Variants in KCNT2 observed in about 807,000 individuals in gnomAD.
The protein encoded by KCNT2 is potassium channel subfamily T member 2.
A neutral mutation model predicts 153.8 loss-of-function variants in KCNT2; 67 were observed. The observed-to-expected ratio is 0.44, with a 90% CI of 0.36 to 0.53. The LOEUF is 0.53. Ranked by LOEUF, KCNT2 falls within the 20% of genes least tolerant of loss-of-function variation. The probability of loss-of-function intolerance (pLI) is 0.00; values close to 1 mark genes in which losing one functional copy is unlikely to be tolerated. For missense variants in KCNT2, 975 were observed against 1,354.8 expected (o/e 0.72, Z 4.40); for synonymous variants, 500 against 458.8 (o/e 1.09, Z -1.15).
At chr1:196,534,605 T>A (rs1409502163) in intron 1 of KCNT2, among the ~76,000 whole-genome samples, 2 of 152,142 alleles carry the variant, frequency 1.3e-5, no homozygotes, top group Admixed American at 6.5e-5. Context: ...AAGGCATTCA[T>A]CTTTAGACTT....
chr1:196,360,430 T>C (rs948488768), intron 14 of KCNT2, among the ~76,000 whole-genome samples: 2 of 152,072 alleles, frequency 1.3e-5, no homozygotes, highest in South Asian at 2.1e-4. Flanking sequence ...TAGCAGTTGG[T>C]AAATGTGTTT....
At chr1:196,410,814 C>A (rs905327942) in intron 12 of KCNT2, among the ~76,000 whole-genome samples, 3 of 151,420 alleles carry the variant, frequency 2.0e-5, no homozygotes, top group African/African-American at 4.8e-5. Flanking sequence ...TCCTCTGTTT[C>A]AATTTTACCA....
intron 13 of KCNT2, among the ~76,000 whole-genome samples, chr1:196,397,767 A>G (rs1434297446): frequency 6.6e-6 from 1 of 151,538 alleles, no homozygotes; most frequent in Non-Finnish European, 1.5e-5. Flanking sequence ...TAAGATATGT[A>G]AACACATTTT....
chr1:196,525,515 G>A (rs1287709044), intron 1 of KCNT2, among the ~76,000 whole-genome samples: 1 of 152,088 alleles, frequency 6.6e-6, no homozygotes. Flanking sequence ...TGAGTTATAG[G>A]GCTGCTGTCT....
chr1:196,317,699 A>C (rs1326084193), intron 20 of KCNT2, among the ~76,000 whole-genome samples: 1 of 151,718 alleles, frequency 6.6e-6, no homozygotes, highest in Admixed American at 6.6e-5. Flanking sequence ...GGAAAGATGA[A>C]TAGTTAATCA....
chr1:196,492,263 T>C lies in KCNT2; in HGVS notation c.174A>G (p.Ser58=). 1 of 1,418,890 alleles carries C rather than the reference T, an allele frequency of 7.0e-7. No homozygotes were observed. Among genetic ancestry groups the C allele is most frequent in the South Asian group, 1.4e-5 (1 of 72,190 alleles). The allele number at this position is 1,418,890 out of a possible 1,614,324, so 87.9% of individuals were successfully genotyped here. The change falls in exon 2 of 28, where the codon TCA becomes TCG. Residue 58 remains serine, a splice_region_variant and synonymous_variant. Transcript: ENST00000294725. ...LKLFFIKNQR[S]SLRIRLFNFS... ...AGGGGAATGAAATGAATAACTTACT[T>C]GATCTCTGGTTTTTTATGAAAAATA...
Position 196,482,515 on chromosome 1 carries a change from C to T in KCNT2, c.276-136G>A, listed in dbSNP as rs181983546. The T allele has an allele frequency of 4.4e-3, 2,255 of 510,560 alleles. 21 individuals carry two copies. Among genetic ancestry groups the T allele is most frequent in the South Asian group, 0.012 (315 of 27,110 alleles). 31.6% of individuals were successfully genotyped at this position (510,560 alleles called of 1,614,324 possible). A position where few individuals can be genotyped will look rare whatever the true frequency, so the allele number is the denominator to read the frequency against. On this transcript the variant is annotated intron_variant, in intron 3 of 27. Transcript: ENST00000294725. ...ATATCAAAATCAACATTTGAAAAAACGTTGTTGCCTTAGTTTTCTTTTTGC... is the reference window on the plus strand; with the variant it reads ...ATATCAAAATCAACATTTGAAAAAATGTTGTTGCCTTAGTTTTCTTTTTGC...
intron 8 of KCNT2, among the ~76,000 whole-genome samples, chr1:196,440,809 A>G (rs951565405): frequency 1.3e-5 from 2 of 151,848 alleles, no homozygotes; most frequent in Non-Finnish European, 2.9e-5. Context: ...TTAAAAACCC[A>G]TAAGTTTGCA....
chr1:196,268,781 T>C (rs544632008), intron 25 of KCNT2, among the ~76,000 whole-genome samples: 4 of 152,088 alleles, frequency 2.6e-5, no homozygotes, highest in African/African-American at 9.6e-5. Context: ...TCCTCAGACC[T>C]ACTTAGGAGC....
intron 12 of KCNT2, among the ~76,000 whole-genome samples, chr1:196,400,744 A>G (rs1361869978): frequency 6.6e-6 from 1 of 151,834 alleles, no homozygotes; most frequent in African/African-American, 2.4e-5. Flanking sequence ...TATCAATATG[A>G]AAGAATAAGC....
At chr1:196,248,553 T>C (rs1056652149) in intron 26 of KCNT2, among the ~76,000 whole-genome samples, 20 of 152,088 alleles carry the variant, frequency 1.3e-4, no homozygotes, top group African/African-American at 3.9e-4. Context: ...CTGGAAGAAA[T>C]TGATAAACTC....
chr1:196,575,842 G>A (rs139800982), intron 1 of KCNT2, among the ~76,000 whole-genome samples: 8,706 of 151,708 alleles, frequency 0.057, 387 homozygotes, highest in Non-Finnish European at 0.085. Context: ...GCTGGGTGTG[G>A]AGGCGCATGC....
chr1:196,334,093 C>T (rs762133729), intron 16 of KCNT2, 33 bp from the exon 17 acceptor site: 8 of 1,451,298 alleles, frequency 5.5e-6, no homozygotes, highest in African/African-American at 2.8e-5. Context: ...TTTATCAAGG[C>T]GTTTGCCATA....
chr1:196,390,874 T>G, intron 13 of KCNT2, among the ~76,000 whole-genome samples: 1 of 147,318 alleles, frequency 6.8e-6, no homozygotes, highest in East Asian at 2.0e-4. Context: ...ATCCTACTGT[T>G]AAGATCTCAT....
At chr1:196,289,799 T>C (rs1240878533) in intron 22 of KCNT2, among the ~76,000 whole-genome samples, 2 of 152,136 alleles carry the variant, frequency 1.3e-5, no homozygotes, top group Non-Finnish European at 2.9e-5. Flanking sequence ...TCTTTTCTAG[T>C]AGAATTCTGA....
chr1:196,604,475 C>T (rs566341038), intron 1 of KCNT2, among the ~76,000 whole-genome samples: 1 of 152,156 alleles, frequency 6.6e-6, no homozygotes, highest in Admixed American at 6.5e-5. Context: ...AGTAAGTGTG[C>T]ATCATATATA....
intron 8 of KCNT2, among the ~76,000 whole-genome samples, chr1:196,461,254 G>A (rs1230189976): frequency 1.3e-5 from 2 of 151,534 alleles, no homozygotes; most frequent in African/African-American, 4.8e-5. Context: ...AAGTACTTTT[G>A]AATTAAGCAT....
intron 1 of KCNT2, among the ~76,000 whole-genome samples, chr1:196,574,053 T>C (rs985741448): frequency 1.3e-5 from 2 of 152,046 alleles, no homozygotes; most frequent in African/African-American, 4.8e-5. Context: ...TGGACCAAGG[T>C]CTGAATCTCA....
chr1:196,359,370 A>G (rs1667435229), intron 14 of KCNT2, among the ~76,000 whole-genome samples: 1 of 152,024 alleles, frequency 6.6e-6, no homozygotes. Context: ...TTCATCAATA[A>G]AAGCTTATAA....
Sources: gnomAD v4.1 joint callset for allele counts (sites outside exome capture counted in the v4.1 genomes callset) on GRCh38, gnomAD v4.1.1 for gene constraint, MANE v1.5 for transcripts, NCBI Gene and HGNC (gene_info 2026-07-23, HGNC 2026-07-21) for gene names.